The following TRMT5 variants were observed in gnomAD, a reference collection of about 807,000 sequenced individuals.
TRMT5 encodes the protein tRNA (guanine(37)-N(1))-methyltransferase.
TRMT5 carries 31 observed loss-of-function variants against 42.2 expected under a neutral mutation model. The ratio of observed to expected loss-of-function variants is 0.73; its 90% CI spans 0.55 to 0.99. The LOEUF (loss-of-function observed/expected upper bound fraction) is 0.99. Ranked by LOEUF, TRMT5 falls within the 50% of genes least tolerant of loss-of-function variation. The probability of loss-of-function intolerance (pLI) is 0.00; values close to 1 mark genes in which losing one functional copy is unlikely to be tolerated. For synonymous variants in TRMT5, 198 were observed against 209.6 expected, an observed-to-expected ratio of 0.94 and a Z score of 0.48; for missense variants, 568 against 595.0, an observed-to-expected ratio of 0.95 and a Z score of 0.47.
At chr14:60,981,290 T>G (rs1239068164), upstream of TRMT5, 4 of 1,606,580 alleles carry the variant, frequency 2.5e-6, no homozygotes, top group African/African-American at 5.3e-5. Flanking sequence ...GGAGGCGTCC[T>G]GGGGGAGCTT....
upstream of TRMT5, chr14:60,981,185 G>T (rs1566595790): frequency 8.5e-6 from 13 of 1,535,634 alleles, no homozygotes; most frequent in Non-Finnish European, 1.8e-6. Context: ...GAAGGGCCGG[G>T]CTCAAAGCTC....
In TRMT5 at chr14:60,975,175, A is replaced by T. The variant is rs1315063239; in HGVS notation, c.1464T>A (p.Pro488=). 1 of 1,607,708 alleles carries T rather than the reference A, an allele frequency of 6.2e-7. No individual in the cohort carries two copies. The highest frequency in any genetic ancestry group is 2.2e-5 in the East Asian group (1 of 44,778). The part of the protein sequence containing the change: ...TRNPENHEDP[P]LKRQRTAEAF... ...CTTCAGCCGTCCTCTGCCTTTTAAG[A>T]GGTGGATCTTCATGATTCTCTGTAA... Residue 488 remains proline, a synonymous_variant, in exon 5 of 5, where the codon CCT becomes CCA. Transcript: ENST00000261249.
chr14:60,981,421 C>G (rs1387812632), upstream of TRMT5: 4 of 1,555,336 alleles, frequency 2.6e-6, no homozygotes, highest in African/African-American at 1.4e-5. Context: ...CTGACGCCCT[C>G]CGGCTTCCCT....
rs754488823 is a variant in TRMT5 at position 60,979,498 on chromosome 14, C to T, written c.400G>A (p.Glu134Lys). 1.9e-6 allele frequency: 3 copies of T among 1,614,182 alleles called. No homozygotes were observed. The highest frequency in any genetic ancestry group is 3.3e-5 in the Admixed American group (2 of 60,014). The change falls in exon 2 of 5, where the codon GAA becomes AAA. Residue 134 changes from glutamate to lysine, a missense_variant. Physicochemically the swap from Glu to Lys is moderately conservative, Grantham distance 56 (BLOSUM62 1). Transcript: ENST00000261249. ...GGATCCAACATGATTAGTCTACTTT[C>T]TTTATCTTCCGGATCTTCAATCACA... ...RRVIEDPEDK[E>K]SRLIMLDPYK...
chr14:60,972,375 T>G lies in TRMT5; in HGVS notation c.*2734A>C, dbSNP rs569604963. On this transcript the variant is annotated 3_prime_UTR_variant, in exon 5 of 5. Transcript: ENST00000261249. ...GGGCTCTGGCTTTGGAGGAGCAGGT[T>G]TAGCAGACAACCTCGCAGATCTTCT... The G allele has an allele frequency of 1.8e-6, 1 of 543,462 alleles. No homozygotes were observed. Among genetic ancestry groups the G allele is most frequent in the African/African-American group, 1.9e-5 (1 of 52,372 alleles). 33.7% of individuals were successfully genotyped at this position (543,462 alleles called of 1,614,324 possible). A position where few individuals can be genotyped will look rare whatever the true frequency, so the allele number is the denominator to read the frequency against.
rs2139649643 is a variant in TRMT5 at position 60,980,995 on chromosome 14, G to A, written c.-22C>T. ...CCATTCCAATTCCCCACGTCGCTCT[G>A]CAGCTGGATCCGCGAGCCGACCCCT... On this transcript the variant is annotated 5_prime_UTR_variant, in exon 1 of 5. Coordinates refer to ENST00000261249, the MANE Select transcript of TRMT5 (RefSeq NM_020810.3). 2 of 1,610,890 alleles carry A rather than the reference G, an allele frequency of 1.2e-6. No homozygotes were observed. Among genetic ancestry groups the A allele is most frequent in the South Asian group, 1.1e-5 (1 of 91,086 alleles).
chr14:60,979,393 A>G lies in TRMT5; in HGVS notation c.505T>C (p.Ser169Pro). The change falls in exon 2 of 5, where the codon TCT becomes CCT. Residue 169 changes from serine (S) to proline (P), a missense_variant. Transcript: ENST00000261249. ...LEQLNVSPQI[S>P]KYNLELTYEH... ...TATGTTAGTTCCAAATTGTATTTAG[A>G]GATCTGTGGACTGACATTAAGCTGC... The G allele has an allele frequency of 6.2e-7, 1 of 1,614,182 alleles. No homozygotes were observed.
In TRMT5 at chr14:60,979,508, C is replaced by T. The variant is rs779430082; in HGVS notation, c.390G>A (p.Pro130=). The part of the protein sequence containing the change: ...RPGIRRVIED[P]EDKESRLIML... ...TGATTAGTCTACTTTCTTTATCTTC[C>T]GGATCTTCAATCACACGTCTTATGC... Residue 130 remains proline (P), a synonymous_variant, in exon 2 of 5, where the codon CCG becomes CCA. Coordinates refer to ENST00000261249, the MANE Select transcript of TRMT5 (RefSeq NM_020810.3). 4 of 1,614,114 alleles carry T rather than the reference C, an allele frequency of 2.5e-6. No individual in the cohort carries two copies. Among genetic ancestry groups the T allele is most frequent in the South Asian group, 2.2e-5 (2 of 91,080 alleles).
upstream of TRMT5, chr14:60,981,235 G>T: frequency 1.3e-6 from 2 of 1,563,706 alleles, no homozygotes; most frequent in Non-Finnish European, 1.7e-6. Flanking sequence ...CAGGGCAGGG[G>T]TAGAGGCTCG....
At chr14:60,981,358 A>T (rs1273331391), upstream of TRMT5, 1 of 1,607,878 alleles carries the variant, frequency 6.2e-7, no homozygotes, top group Non-Finnish European at 8.5e-7. Flanking sequence ...CGGAGGCCGA[A>T]GAGTTGAGTC....
Position 60,975,757 on chromosome 14 carries a change from A to G in TRMT5, c.1162T>C (p.Leu388=). The part of the protein sequence containing the change: ...RKPSVHVVMN[L]PAKAIEFLSA... ...AGAAACTCTATAGCTTTTGCTGGCA[A>G]GTTCATGACAACGTGCACAGAGGGT... The change falls in exon 4 of 5, where the codon TTG becomes CTG. Residue 388 remains leucine, a synonymous_variant. Transcript: ENST00000261249. The G allele has an allele frequency of 6.2e-7, 1 of 1,614,242 alleles. No homozygotes were observed. The highest frequency in any genetic ancestry group is 1.1e-5 in the South Asian group (1 of 91,082).
At chr14:60,980,785 T>G (rs939589448) in intron 1 of TRMT5, 178 bp downstream of exon 1, 3 of 904,932 alleles carry the variant, frequency 3.3e-6, no homozygotes, top group Non-Finnish European at 5.0e-6. Context: ...CAGTAAAATG[T>G]GGCGAAAGGC....
chr14:60,971,931 G>A lies in TRMT5; in HGVS notation c.*3178C>T, dbSNP rs2036779702. ...GAAAAGAAGACATAAAAACGAATTT[G>A]TTTTTCCATACCACAAGGCTTTTGT... On this transcript the variant is annotated 3_prime_UTR_variant, in exon 5 of 5. Transcript: ENST00000261249. 4.3e-6 allele frequency: 1 copy of A among 230,308 alleles called. No homozygotes were observed. Among genetic ancestry groups the A allele is most frequent in the Non-Finnish European group, 8.5e-6 (1 of 117,374 alleles). The allele number at this position is 230,308 out of a possible 1,614,324, so 14.3% of individuals were successfully genotyped here.
intron 4 of TRMT5, 69 bp downstream of exon 4, chr14:60,975,406 G>A (rs2036831267): frequency 6.5e-7 from 1 of 1,550,312 alleles, no homozygotes; most frequent in Admixed American, 1.9e-5. Context: ...ATTAAAATTT[G>A]TAAAACTGGG....
Position 60,975,101 on chromosome 14 carries a change from A to G in TRMT5, c.*8T>C. ...AGTCTGGTAGGGAGATGGAGAAAAC[A>G]TTTCCAATTAAGTGTTTGAAACAAT... On this transcript the variant is annotated 3_prime_UTR_variant, in exon 5 of 5. Coordinates refer to ENST00000261249, the MANE Select transcript of TRMT5 (RefSeq NM_020810.3). 2 of 1,600,932 alleles carry G rather than the reference A, an allele frequency of 1.2e-6. No homozygotes were observed. Among genetic ancestry groups the G allele is most frequent in the Non-Finnish European group, 1.7e-6 (2 of 1,174,458 alleles).
In TRMT5 at chr14:60,975,921, T is replaced by A. The variant is rs759295966; in HGVS notation, c.998A>T (p.His333Leu). Reference protein sequence around the residue: ...VFANDLNPESHKWLLYNCKLN... With the variant: ...VFANDLNPESLKWLLYNCKLN... The stretch of plus-strand genomic sequence containing the variant: ...TTTACAGTTGTACAACAGCCATTTA[T>A]GAGATTCAGGATTGAGATCATTGGC... The change falls in exon 4 of 5, where the codon CAT becomes CTT. Residue 333 changes from histidine to leucine, a missense_variant. His to Leu is a moderately conservative substitution (Grantham distance 99). Coordinates refer to ENST00000261249, the MANE Select transcript of TRMT5 (RefSeq NM_020810.3). The A allele has an allele frequency of 1.9e-6, 3 of 1,614,176 alleles. No homozygotes were observed. Among genetic ancestry groups the A allele is most frequent in the South Asian group, 1.1e-5 (1 of 91,084 alleles).
chr14:60,975,197 G>C lies in TRMT5; in HGVS notation c.1445-3C>G, dbSNP rs1160598622. 11 of 1,595,428 alleles carry C rather than the reference G, an allele frequency of 6.9e-6. No homozygotes were observed. Among genetic ancestry groups the C allele is most frequent in the Admixed American group, 3.7e-5 (2 of 54,434 alleles). On this transcript the variant is annotated splice_region_variant and splice_polypyrimidine_tract_variant and intron_variant, in intron 4 of 4. Coordinates refer to ENST00000261249, the MANE Select transcript of TRMT5 (RefSeq NM_020810.3). ...AAGAGGTGGATCTTCATGATTCTCTGTAATAAATCCAGAAAACCTATTTTA... is the reference window on the plus strand; with the variant it reads ...AAGAGGTGGATCTTCATGATTCTCTCTAATAAATCCAGAAAACCTATTTTA...
rs1156852850 is a variant in TRMT5, at chr14:60,975,795, G to A, written c.1124C>T (p.Ser375Leu). 1 of 1,614,172 alleles carries A rather than the reference G, an allele frequency of 6.2e-7. No homozygotes were observed. Among genetic ancestry groups the A allele is most frequent in the Non-Finnish European group, 8.5e-7 (1 of 1,180,020 alleles). The change falls in exon 4 of 5, where the codon TCA becomes TTA. Residue 375 changes from serine to leucine, a missense_variant. Transcript: ENST00000261249. ...KEELMQLLGL[S>L]KERKPSVHVV... ...GTGCACAGAGGGTTTTCTTTCTTTT[G>A]ACAGACCCAGCAGCTGCATTAACTC...
chr14:60,977,257 T>C (rs1411021210), intron 3 of TRMT5, among the ~76,000 whole-genome samples: 1 of 152,188 alleles, frequency 6.6e-6, no homozygotes, highest in African/African-American at 2.4e-5. Context: ...AACCTATCGA[T>C]GGACAACTTA....
Sources: allele counts gnomAD v4.1 joint callset (sites outside exome capture counted in the v4.1 genomes callset), GRCh38; gene constraint gnomAD v4.1.1; transcripts MANE v1.5; gene names NCBI Gene and HGNC (gene_info 2026-07-23, HGNC 2026-07-21).